ARHGEF10: variants seen among roughly 807,000 people sequenced by gnomAD.
ARHGEF10 encodes the protein Rho guanine nucleotide exchange factor 10, also known as Rho guanine nucleotide exchange factor (GEF) 10.
In ARHGEF10, 140 loss-of-function variants were observed where a neutral mutation model predicts 147.4. The ratio of observed to expected loss-of-function variants is 0.95; its 90% CI spans 0.83 to 1.09. The LOEUF is 1.09. Among genes scored for constraint, ARHGEF10 ranks in the 50% least tolerant of loss-of-function variants. The pLI, the probability that ARHGEF10 is intolerant of heterozygous loss-of-function variation, is 0.00. For missense variants in ARHGEF10, 2,222 were observed against 1,752.7 expected, an observed-to-expected ratio of 1.27 and a Z score of -4.78; for synonymous variants, 902 against 695.8, an observed-to-expected ratio of 1.30 and a Z score of -4.67.
intron 18 of ARHGEF10, among the ~76,000 whole-genome samples, chr8:1,914,150 C>G (rs544986588): frequency 8.5e-5 from 13 of 152,314 alleles, no homozygotes; most frequent in African/African-American, 3.1e-4. Context: ...TGAGCCCGGC[C>G]GAAGGAAGCT....
intron 2 of ARHGEF10, among the ~76,000 whole-genome samples, chr8:1,847,021 C>G (rs528611264): frequency 1.6e-4 from 24 of 152,256 alleles, no homozygotes; most frequent in African/African-American, 5.5e-4. Context: ...GTTGTGTGTT[C>G]CAGTGGAATC....
intron 9 of ARHGEF10, among the ~76,000 whole-genome samples, chr8:1,880,402 G>A (rs1173525334): frequency 6.6e-6 from 1 of 152,204 alleles, no homozygotes; most frequent in Admixed American, 6.5e-5. Flanking sequence ...TGGCCTCACC[G>A]CTGGCGGAAT....
rs11288174 is a variant in ARHGEF10 at position 1,908,227 on chromosome 8, ATTTTTTTT to A, written c.1968-1054_1968-1047del. Among the ~76,000 whole-genome samples the A allele has an allele frequency of 1.2e-4, 13 of 110,052 alleles. No homozygotes were observed. In the South Asian group the frequency reaches 3.6e-3, roughly 30 times the overall value. 72.2% of individuals were successfully genotyped at this position (110,052 alleles called of 152,430 possible). A position where few individuals can be genotyped will look rare whatever the true frequency, so the allele number is the denominator to read the frequency against. On this transcript the variant is annotated intron_variant, in intron 17 of 28. Transcript: ENST00000349830. Reference sequence around the variant, plus strand: ...TTTGGTTATTTCTACCCACACTTTGATTTTTTTTTTTTTTTTTTTTTGAGAAAGAGTCT... The same window carrying A: ...TTTGGTTATTTCTACCCACACTTTGATTTTTTTTTTTTTGAGAAAGAGTCT...
intron 1 of ARHGEF10, among the ~76,000 whole-genome samples, chr8:1,828,408 G>A (rs1433606412): frequency 6.6e-6 from 1 of 151,654 alleles, no homozygotes; most frequent in Non-Finnish European, 1.5e-5. Flanking sequence ...CACACTTACT[G>A]TTTTAAGGAA....
rs936061454 is a variant in ARHGEF10, at chr8:1,937,416, C to T, written c.3222+3474C>T. ...CGGTGATCTTGGATCAGCCGCCTAC[C>T]TGGGTCTCAATTGTCTGAGCTGACA... On this transcript the variant is annotated intron_variant, in intron 26 of 28. Transcript: ENST00000349830. The surrounding 1 kb of genome is among the most constrained non-coding windows in gnomAD (Gnocchi z 4.9). Among the ~76,000 whole-genome samples the T allele has an allele frequency of 6.6e-6, 1 of 152,188 alleles. No individual in the cohort carries two copies. The highest frequency in any genetic ancestry group is 1.5e-5 in the Non-Finnish European group (1 of 68,024).
chr8:1,896,141 A>C (rs1323973872), intron 13 of ARHGEF10, among the ~76,000 whole-genome samples, 192 bp from the exon 14 acceptor site: 2 of 152,234 alleles, frequency 1.3e-5, no homozygotes, highest in African/African-American at 2.4e-5. Flanking sequence ...AATAAGGTCA[A>C]ACCAGCAACT....
chr8:1,886,428 C>T (rs1171129819), intron 11 of ARHGEF10, among the ~76,000 whole-genome samples: 1 of 152,166 alleles, frequency 6.6e-6, no homozygotes, highest in African/African-American at 2.4e-5. Flanking sequence ...CAAGAGAGAG[C>T]ATTGTCAGAT....
At position 1,841,836 on chromosome 8, in the gene ARHGEF10, A is replaced by AACTGGGTCCGCGG. The variant is rs1563161335; in HGVS notation, c.-47-1517_-47-1516insACTGGGTCCGCGG. 6.7e-3 allele frequency among the ~76,000 whole-genome samples: 497 copies of AACTGGGTCCGCGG among 74,716 alleles called. 30 individuals carry two copies. Among genetic ancestry groups the AACTGGGTCCGCGG allele is most frequent in the Admixed American group, 0.023 (168 of 7,410 alleles). The allele number at this position is 74,716 out of a possible 152,430, so 49.0% of individuals were successfully genotyped here. A position where few individuals can be genotyped will look rare whatever the true frequency, so the allele number is the denominator to read the frequency against. On this transcript the variant is annotated intron_variant, in intron 1 of 28. Transcript: ENST00000349830. ...GGCCGCGGCGGGAACTGGGGCCGCG[A>AACTGGGTCCGCGG]CGGGAACTGGGGCCGCGGCGGGAAC...
chr8:1,917,604 C>T (rs1382528645), intron 18 of ARHGEF10, among the ~76,000 whole-genome samples: 2 of 152,130 alleles, frequency 1.3e-5, no homozygotes, highest in Non-Finnish European at 2.9e-5. Flanking sequence ...GAGAAGCGTC[C>T]GTGAGAAAGA....
intron 1 of ARHGEF10, among the ~76,000 whole-genome samples, chr8:1,839,879 A>G (rs1288822874): frequency 2.4e-3 from 144 of 59,830 alleles, no homozygotes; most frequent in Middle Eastern, 0.015. Flanking sequence ...TCTGGTGTGG[A>G]AACTGTCTGG....
At chr8:1,847,808 C>G (rs1463961684) in intron 2 of ARHGEF10, among the ~76,000 whole-genome samples, 1 of 152,206 alleles carries the variant, frequency 6.6e-6, no homozygotes, top group Non-Finnish European at 1.5e-5. Flanking sequence ...AAGAGAAAAT[C>G]ATATCCCGAG....
intron 2 of ARHGEF10, among the ~76,000 whole-genome samples, chr8:1,852,482 A>G (rs1420932139): frequency 7.7e-6 from 1 of 129,362 alleles, no homozygotes; most frequent in Non-Finnish European, 1.6e-5. Context: ...ATCATCCTGG[A>G]GAGGACCGGG....
At chr8:1,824,319 A>G (rs763642198) in intron 1 of ARHGEF10, among the ~76,000 whole-genome samples, 11 of 148,960 alleles carry the variant, frequency 7.4e-5, no homozygotes, top group Non-Finnish European at 1.0e-4. Flanking sequence ...CCGGCCCCTC[A>G]GGATAACGGC....
chr8:1,841,970 TGGGGCCGCGGCGGGAACTGGGG>T (rs1804107373), intron 1 of ARHGEF10, among the ~76,000 whole-genome samples: 6 of 58,572 alleles, frequency 1.0e-4, no homozygotes, highest in Admixed American at 3.6e-4. Context: ...CGACCGGAAC[TGGGGCCGCGGCGGGAACTGGGG>T]CCGCGGCGGG....
chr8:1,893,685 T>C, intron 12 of ARHGEF10, 39 bp downstream of exon 12: 1 of 1,358,166 alleles, frequency 7.4e-7, no homozygotes, highest in Non-Finnish European at 1.1e-6. Context: ...TACATTTCTA[T>C]TATTCTTTTT....
At chr8:1,882,580 A>C (rs560144605) in intron 9 of ARHGEF10, 55 bp from the exon 10 acceptor site, 2 of 1,398,048 alleles carry the variant, frequency 1.4e-6, no homozygotes, top group South Asian at 2.5e-5. Context: ...GGCAAATGAA[A>C]GTCGCAGGTG....
At chr8:1,856,461 C>G (rs867810392) in intron 2 of ARHGEF10, among the ~76,000 whole-genome samples, 1 of 152,198 alleles carries the variant, frequency 6.6e-6, no homozygotes, top group Non-Finnish European at 1.5e-5. Flanking sequence ...TCAAAAGGCA[C>G]TCCTAGAATG....
At position 1,956,996 on chromosome 8, in the gene ARHGEF10, G is replaced by C. The variant is rs976053557; in HGVS notation, c.3768G>C (p.Leu1256=). 2.5e-6 allele frequency: 4 copies of C among 1,614,130 alleles called. No homozygotes were observed. The highest frequency in any genetic ancestry group is 3.4e-6 in the Non-Finnish European group (4 of 1,180,042). Residue 1256 remains leucine (L), a synonymous_variant, in exon 29 of 29, where the codon CTG becomes CTC. Coordinates refer to ENST00000349830, the MANE Select transcript of ARHGEF10 (RefSeq NM_014629.4). ...GATCGATGACTCAGAAAAGCGACCT[G>C]TCCTCCTCATCTGGGTCCCTGAGCT... The part of the protein sequence containing the change: ...SLGSMTQKSD[L]SSSSGSLSLS...
At chr8:1,890,709 G>C (rs985865260) in intron 11 of ARHGEF10, among the ~76,000 whole-genome samples, 1 of 134,836 alleles carries the variant, frequency 7.4e-6, no homozygotes, top group South Asian at 2.4e-4. Flanking sequence ...CACGGGGTCC[G>C]TGGGGTGTCA....
Sources: allele counts gnomAD v4.1 joint callset (sites outside exome capture counted in the v4.1 genomes callset), GRCh38; gene constraint gnomAD v4.1.1; non-coding constraint Gnocchi (gnomAD v3.1); transcripts MANE v1.5; gene names NCBI Gene and HGNC (gene_info 2026-07-23, HGNC 2026-07-21).